The following ETV1 variants were observed in gnomAD, a reference collection of about 807,000 sequenced individuals.
The protein encoded by ETV1 is ETS translocation variant 1.
ETV1 carries 27 observed loss-of-function variants against 62.3 expected under a neutral mutation model. That is an observed-to-expected ratio of 0.43 (90% confidence interval 0.32 to 0.60). The LOEUF is 0.60. ETV1 is among the 20% of genes least tolerant of loss of function. ETV1 has a pLI of 0.06. For synonymous variants in ETV1, 222 were observed against 199.6 expected (o/e 1.11, Z -0.94); for missense variants, 605 against 605.8 (o/e 1.00, Z 0.01).
chr7:13,924,963 G>A (rs1158054138), intron 9 of ETV1, among the ~76,000 whole-genome samples: 1 of 152,130 alleles, frequency 6.6e-6, no homozygotes, highest in Non-Finnish European at 1.5e-5. Context: ...TTGAAAAAAG[G>A]CCTCATGAGT....
chr7:13,933,512 G>A (rs572374834), intron 8 of ETV1, among the ~76,000 whole-genome samples: 4 of 152,182 alleles, frequency 2.6e-5, no homozygotes, highest in African/African-American at 9.7e-5. Context: ...AAGTGCCAAA[G>A]GGCTGGCCCC....
At chr7:13,943,547 C>T (rs1037843479) in intron 6 of ETV1, among the ~76,000 whole-genome samples, 6 of 152,076 alleles carry the variant, frequency 3.9e-5, no homozygotes, top group Non-Finnish European at 8.8e-5. Context: ...TGCATATGTT[C>T]ATGAAAAGAC....
intron 13 of ETV1, among the ~76,000 whole-genome samples, chr7:13,900,137 C>G (rs1782262810): frequency 6.6e-6 from 1 of 152,028 alleles, no homozygotes; most frequent in South Asian, 2.1e-4. Flanking sequence ...TCAAAACAAA[C>G]AAACAAACAA....
chr7:13,961,410 G>A (rs1428584526), intron 6 of ETV1, among the ~76,000 whole-genome samples: 1 of 152,096 alleles, frequency 6.6e-6, no homozygotes, highest in East Asian at 1.9e-4. Context: ...GTTACAGCAA[G>A]GGTCCTGTGG....
At chr7:13,938,746 A>G (rs777047401) in intron 7 of ETV1, among the ~76,000 whole-genome samples, 1 of 152,234 alleles carries the variant, frequency 6.6e-6, no homozygotes, top group South Asian at 2.1e-4. Context: ...TAACTAATGT[A>G]CTGCTCAGAC....
rs1313000292 is a variant in ETV1, at chr7:13,895,740, C to G, written c.*126G>C. 7 of 724,496 alleles carry G rather than the reference C, an allele frequency of 9.7e-6. No individual in the cohort carries two copies. The East Asian group carries it at 1.9e-4, about 20-fold the overall frequency. The allele number at this position is 724,496 out of a possible 1,614,324, so 44.9% of individuals were successfully genotyped here. ...TAGAATAATGCAACAGGAAAAGCCC[C>G]TTTTTGTGTATTATTATTTAAAAAT... On this transcript the variant is annotated 3_prime_UTR_variant, in exon 14 of 14. Coordinates refer to ENST00000430479, the MANE Select transcript of ETV1 (RefSeq NM_004956.5).
intron 9 of ETV1, among the ~76,000 whole-genome samples, chr7:13,928,937 G>A (rs1014415816): frequency 7.9e-5 from 12 of 151,658 alleles, no homozygotes; most frequent in East Asian, 2.0e-4. Flanking sequence ...AAGCCTGGGC[G>A]ACAGAGCGAG....
intron 9 of ETV1, among the ~76,000 whole-genome samples, chr7:13,928,568 C>T (rs1785709632): frequency 6.6e-6 from 1 of 151,572 alleles, no homozygotes; most frequent in African/African-American, 2.4e-5. Flanking sequence ...GAGCCGAGAT[C>T]GTGCCACTGC....
At position 13,910,228 on chromosome 7, in the gene ETV1, CTTT is replaced by C. The variant is rs58867942; in HGVS notation, c.872-531_872-529del. On this transcript the variant is annotated intron_variant, in intron 10 of 13. Coordinates refer to ENST00000430479, the MANE Select transcript of ETV1 (RefSeq NM_004956.5). The stretch of plus-strand genomic sequence containing the variant: ...AGATAAGAGGAAAAAAAAAGTTTCC[CTTT>C]TTTTTTTTTTTTTTTTGCTGTAAGG... Among the ~76,000 whole-genome samples, 850 of 120,230 alleles carry C rather than the reference CTTT, an allele frequency of 7.1e-3. 3 individuals are homozygous for C. Among genetic ancestry groups the C allele is most frequent in the Middle Eastern group, 0.026 (5 of 194 alleles). The allele number at this position is 120,230 out of a possible 152,430, so 78.9% of individuals were successfully genotyped here. A position where few individuals can be genotyped will look rare whatever the true frequency, so the allele number is the denominator to read the frequency against.
chr7:13,935,707 C>G lies in ETV1; in HGVS notation c.554+1G>C, dbSNP rs1786726109. On this transcript the variant is annotated splice_donor_variant, in intron 8 of 13. Coordinates refer to ENST00000430479, the MANE Select transcript of ETV1 (RefSeq NM_004956.5). LOFTEE classifies it high-confidence loss of function. ...CTAGAAAACTGGTATCTGCAGGTTA[C>G]CTGTGGTCCATGGGGTAGCTGCTAT... 2.5e-6 allele frequency: 4 copies of G among 1,612,972 alleles called. No individual in the cohort carries two copies. The highest frequency in any genetic ancestry group is 3.4e-6 in the Non-Finnish European group (4 of 1,179,336).
intron 7 of ETV1, among the ~76,000 whole-genome samples, chr7:13,936,394 C>T (rs1786808561): frequency 6.6e-6 from 1 of 152,144 alleles, no homozygotes; most frequent in Non-Finnish European, 1.5e-5. Context: ...AATGCTTTTA[C>T]TTTATTTTCA....
At chr7:13,939,810 T>C (rs958658471) in intron 6 of ETV1, among the ~76,000 whole-genome samples, 1 of 152,212 alleles carries the variant, frequency 6.6e-6, no homozygotes, top group Admixed American at 6.5e-5. Flanking sequence ...AAAATAGAGA[T>C]TAAGTATCTG....
rs549589564 is a variant in ETV1 at position 13,989,351 on chromosome 7, T to A, written c.-171A>T. 59 of 501,786 alleles carry A rather than the reference T, an allele frequency of 1.2e-4. 1 individual carries two copies. In the East Asian group the frequency reaches 1.9e-3, roughly 16 times the overall value. 31.1% of individuals were successfully genotyped at this position (501,786 alleles called of 1,614,324 possible). A position where few individuals can be genotyped will look rare whatever the true frequency, so the allele number is the denominator to read the frequency against. On this transcript the variant is annotated 5_prime_UTR_variant, in exon 2 of 14. Transcript: ENST00000430479. ...ATCCGAACAAGAGGCGATGTATTTA[T>A]TTACACTCTCGATGTTTCCCTGCGC... is the stretch of plus-strand genomic sequence containing the variant.
chr7:13,988,749 A>C lies in ETV1; in HGVS notation c.45+259T>G, dbSNP rs754109441. 4 of 1,612,632 alleles carry C rather than the reference A, an allele frequency of 2.5e-6. No individual in the cohort carries two copies. The African/African-American group carries it at 5.3e-5, about 21-fold the overall frequency. On this transcript the variant is annotated intron_variant, in intron 3 of 13. Coordinates refer to ENST00000430479, the MANE Select transcript of ETV1 (RefSeq NM_004956.5). ...AGTGCAGCAGCTGCTGCTGCCCTCC[A>C]TCTCCTCTTCCACTCATGTTGGGCA...
chr7:13,954,146 C>G (rs1247071544), intron 6 of ETV1, among the ~76,000 whole-genome samples: 1 of 152,110 alleles, frequency 6.6e-6, no homozygotes, highest in Admixed American at 6.6e-5. Flanking sequence ...GTATTACTCA[C>G]TAACAACAAG....
chr7:13,984,350 T>C (rs1344065492), intron 5 of ETV1, among the ~76,000 whole-genome samples: 1 of 152,050 alleles, frequency 6.6e-6, no homozygotes, highest in African/African-American at 2.4e-5. Context: ...AAGACATAAA[T>C]GGACACATCT....
At chr7:13,961,195 T>C (rs1790128024) in intron 6 of ETV1, among the ~76,000 whole-genome samples, 1 of 152,034 alleles carries the variant, frequency 6.6e-6, no homozygotes, top group Non-Finnish European at 1.5e-5. Context: ...TATATAAGAA[T>C]GATTGCACTA....
rs950944375 is a variant in ETV1, at chr7:13,894,336, C to T, written c.*1530G>A. On this transcript the variant is annotated 3_prime_UTR_variant, in exon 14 of 14. Coordinates refer to ENST00000430479, the MANE Select transcript of ETV1 (RefSeq NM_004956.5). ...TGAATGAAACAACATACCCTGCTTTCAATATTTTCTCCAAATGCAAAGCAA... is the reference window on the plus strand; with the variant it reads ...TGAATGAAACAACATACCCTGCTTTTAATATTTTCTCCAAATGCAAAGCAA... The T allele has an allele frequency of 1.3e-5, 3 of 231,710 alleles. No homozygotes were observed. The highest frequency in any genetic ancestry group is 2.6e-5 in the Non-Finnish European group (3 of 117,020). 14.4% of individuals were successfully genotyped at this position (231,710 alleles called of 1,614,324 possible).
rs1781619330 is a variant in ETV1, at chr7:13,894,686, G to C, written c.*1180C>G. On this transcript the variant is annotated 3_prime_UTR_variant, in exon 14 of 14. Transcript: ENST00000430479. ...ATTTTGTCCTGAAATGCTATCTGTA[G>C]TTAACTGCACTGCTTATAAATGGTC... 4.3e-6 allele frequency: 1 copy of C among 232,470 alleles called. No homozygotes were observed. The highest frequency in any genetic ancestry group is 2.2e-5 in the African/African-American group (1 of 45,308). 14.4% of individuals were successfully genotyped at this position (232,470 alleles called of 1,614,324 possible). A position where few individuals can be genotyped will look rare whatever the true frequency, so the allele number is the denominator to read the frequency against.
Sources: gnomAD v4.1 joint callset for allele counts (sites outside exome capture counted in the v4.1 genomes callset) on GRCh38, gnomAD v4.1.1 for gene constraint, MANE v1.5 for transcripts, NCBI Gene and HGNC (gene_info 2026-07-23, HGNC 2026-07-21) for gene names.